SYT9: variants seen among roughly 807,000 people sequenced by gnomAD.
The protein encoded by SYT9 is synaptotagmin-9.
Under a neutral mutation model 48.4 loss-of-function variants are expected in SYT9, and 22 were observed. The observed-to-expected ratio is 0.45, with a 90% CI of 0.32 to 0.65. The LOEUF (loss-of-function observed/expected upper bound fraction) is 0.65, where lower values mean the gene tolerates loss of function less well. Ranked by LOEUF, SYT9 falls within the 30% of genes least tolerant of loss-of-function variation. SYT9 has a pLI of 0.03. For missense variants in SYT9, 577 were observed against 622.0 expected (o/e 0.93, Z 0.77); for synonymous variants, 265 against 245.0 (o/e 1.08, Z -0.76).
intron 2 of SYT9, among the ~76,000 whole-genome samples, chr11:7,306,209 T>C (rs1232332982): frequency 1.3e-5 from 2 of 152,118 alleles, no homozygotes. Context: ...AGTTCTCTAC[T>C]CCAAATGTAT....
intron 6 of SYT9, among the ~76,000 whole-genome samples, chr11:7,464,933 A>T (rs1245180902): frequency 6.6e-6 from 1 of 151,922 alleles, no homozygotes; most frequent in Non-Finnish European, 1.5e-5. Flanking sequence ...ATACAAAAAA[A>T]AAAAATTAGC....
At chr11:7,325,352 G>A (rs573999210) in intron 3 of SYT9, among the ~76,000 whole-genome samples, 202 of 135,394 alleles carry the variant, frequency 1.5e-3, no homozygotes, top group African/African-American at 5.4e-3. Context: ...GGATTCCTAG[G>A]TATTTTATTC....
rs532638138 is a variant in SYT9 at position 7,385,614 on chromosome 11, A to G, written c.1045-30428A>G. 9.2e-5 allele frequency among the ~76,000 whole-genome samples: 14 copies of G among 152,224 alleles called. No individual in the cohort carries two copies. In the South Asian group the frequency reaches 1.5e-3, roughly 16 times the overall value. Reference sequence around the variant, plus strand: ...AATCCCCATGATACACAATTTACCTATATAACAAACCTGCACATGTACCCC... The same window carrying G: ...AATCCCCATGATACACAATTTACCTGTATAACAAACCTGCACATGTACCCC... On this transcript the variant is annotated intron_variant, in intron 3 of 6. Transcript: ENST00000318881.
intron 3 of SYT9, among the ~76,000 whole-genome samples, chr11:7,401,981 T>C (rs74459903): frequency 0.019 from 2,893 of 152,106 alleles, 101 homozygotes; most frequent in African/African-American, 0.066. Context: ...TTTACCGCTA[T>C]AGATTTCCTC....
chr11:7,251,125 CACACA>C (rs202180918), upstream of SYT9, among the ~76,000 whole-genome samples: 20 of 150,722 alleles, frequency 1.3e-4, no homozygotes, highest in South Asian at 2.1e-4. Flanking sequence ...CACACACACA[CACACA>C]CACCCAGAGT....
intron 1 of SYT9, among the ~76,000 whole-genome samples, chr11:7,246,055 T>A (rs1456705315): frequency 2.6e-5 from 4 of 152,208 alleles, no homozygotes; most frequent in African/African-American, 7.2e-5. Flanking sequence ...TATGCACTTT[T>A]TTTTTTCAGT....
In SYT9 at chr11:7,402,382, C is replaced by T. The variant is rs553683429; in HGVS notation, c.1045-13660C>T. On this transcript the variant is annotated intron_variant, in intron 3 of 6. Coordinates refer to ENST00000318881, the MANE Select transcript of SYT9 (RefSeq NM_175733.4). ...ATTGTTCACGTCTTTTATATTCTTA[C>T]TTCTTCTCTTTTCGTATGTTCAGTC... is the stretch of plus-strand genomic sequence containing the variant. Among the ~76,000 whole-genome samples, 3 of 152,068 alleles carry T rather than the reference C, an allele frequency of 2.0e-5. No individual in the cohort carries two copies. In the East Asian group the frequency reaches 5.8e-4, roughly 29 times the overall value.
intron 3 of SYT9, among the ~76,000 whole-genome samples, chr11:7,357,683 C>T (rs990222701): frequency 6.6e-6 from 1 of 152,110 alleles, no homozygotes; most frequent in African/African-American, 2.4e-5. Flanking sequence ...TCACCTCTCA[C>T]TCAACTCCCA....
intron 3 of SYT9, among the ~76,000 whole-genome samples, chr11:7,378,114 G>GAT (rs1488586381): frequency 2.9e-5 from 1 of 34,828 alleles, no homozygotes; most frequent in Admixed American, 2.7e-4. Context: ...GGTCTTCAAA[G>GAT]ATACAAAAAA....
At chr11:7,243,199 A>G (rs979408197) in intron 1 of SYT9, among the ~76,000 whole-genome samples, 1 of 152,256 alleles carries the variant, frequency 6.6e-6, no homozygotes, top group African/African-American at 2.4e-5. Flanking sequence ...GTTACAATTA[A>G]TGAATGAATG....
intron 1 of SYT9, among the ~76,000 whole-genome samples, chr11:7,286,787 T>C (rs7118847): frequency 0.095 from 14,436 of 152,160 alleles, 1,092 homozygotes; most frequent in African/African-American, 0.21. Flanking sequence ...GCAAGAGTGA[T>C]CTTTACTCCA....
At chr11:7,407,015 C>T (rs939028002) in intron 3 of SYT9, among the ~76,000 whole-genome samples, 2 of 152,036 alleles carry the variant, frequency 1.3e-5, no homozygotes, top group African/African-American at 2.4e-5. Flanking sequence ...AATATCTATT[C>T]ATGTCTTTTG....
intron 3 of SYT9, among the ~76,000 whole-genome samples, chr11:7,406,333 C>A (rs754413644): frequency 6.6e-6 from 1 of 151,930 alleles, no homozygotes; most frequent in Non-Finnish European, 1.5e-5. Flanking sequence ...ACCCACACAC[C>A]CTTCCTACCC....
intron 1 of SYT9, among the ~76,000 whole-genome samples, chr11:7,269,756 A>G (rs1186986284): frequency 6.6e-6 from 1 of 152,182 alleles, no homozygotes; most frequent in Non-Finnish European, 1.5e-5. Context: ...CCTAGCTACA[A>G]GAAGGTTGAG....
At chr11:7,243,409 G>A (rs1847759054) in intron 1 of SYT9, among the ~76,000 whole-genome samples, 1 of 152,184 alleles carries the variant, frequency 6.6e-6, no homozygotes, top group South Asian at 2.1e-4. Flanking sequence ...CAAACGTATG[G>A]TTTTTCTATG....
chr11:7,370,462 G>T (rs1250754136), intron 3 of SYT9, among the ~76,000 whole-genome samples: 1 of 152,008 alleles, frequency 6.6e-6, no homozygotes, highest in African/African-American at 2.4e-5. Flanking sequence ...ACTGTAAATG[G>T]GCATGAAGTT....
chr11:7,393,608 C>A (rs1284230692), intron 3 of SYT9, among the ~76,000 whole-genome samples: 1 of 151,974 alleles, frequency 6.6e-6, no homozygotes, highest in Non-Finnish European at 1.5e-5. Context: ...CAGGATGATA[C>A]TGGTTTTCTA....
At chr11:7,332,687 C>T (rs1849561311) in intron 3 of SYT9, among the ~76,000 whole-genome samples, 2 of 152,212 alleles carry the variant, frequency 1.3e-5, no homozygotes, top group South Asian at 4.1e-4. Flanking sequence ...AGGCTGGATG[C>T]TCCTGAGAGG....
At chr11:7,285,911 G>A (rs1236442035) in intron 1 of SYT9, among the ~76,000 whole-genome samples, 2 of 152,254 alleles carry the variant, frequency 1.3e-5, no homozygotes, top group Non-Finnish European at 2.9e-5. Flanking sequence ...GATGCAAGAG[G>A]TGGATTCCCA....
Sources: gnomAD v4.1 joint callset for allele counts (sites outside exome capture counted in the v4.1 genomes callset) on GRCh38, gnomAD v4.1.1 for gene constraint, MANE v1.5 for transcripts, NCBI Gene and HGNC (gene_info 2026-07-23, HGNC 2026-07-21) for gene names.